Variants in ACOT1 observed in about 807,000 individuals in gnomAD.
The protein encoded by ACOT1 is acyl-CoA thioesterase 1.
Under a neutral mutation model 15.7 loss-of-function variants are expected in ACOT1, and 8 were observed. The observed-to-expected ratio is 0.51, with a 90% CI of 0.30 to 0.92. The LOEUF (loss-of-function observed/expected upper bound fraction) is 0.92, where lower values mean the gene tolerates loss of function less well. ACOT1 is among the 40% of genes least tolerant of loss of function. The pLI is 0.06. For synonymous variants in ACOT1, 67 were observed against 241.2 expected (o/e 0.28, Z 6.69); for missense variants, 151 against 539.4 (o/e 0.28, Z 7.13).
At chr14:73,528,416 T>TAAAAAAAAA in the ACOT1 span, among the ~76,000 whole-genome samples, 1 of 98,170 alleles carries the variant, frequency 1.0e-5, no homozygotes, top group Non-Finnish European at 2.1e-5. Flanking sequence ...AAAAAAAAAC[T>TAAAAAAAAA]TAAGGAATAG....
the ACOT1 span, chr14:73,490,966 C>T: frequency 7.6e-7 from 1 of 1,309,242 alleles, no homozygotes; most frequent in African/African-American, 1.5e-5. Flanking sequence ...TCAGGAACCG[C>T]TTTAGCTTCG....
chr14:73,510,506 G>C, the ACOT1 span, among the ~76,000 whole-genome samples: 3 of 152,060 alleles, frequency 2.0e-5, no homozygotes, highest in African/African-American at 7.2e-5. Context: ...CACAATCTTG[G>C]CTCACTGCAA....
the ACOT1 span, chr14:73,518,993 C>A: frequency 3.8e-6 from 6 of 1,595,778 alleles, no homozygotes; most frequent in Admixed American, 1.0e-4. Flanking sequence ...CGTTATTAAC[C>A]CCTGCCTTCC....
the ACOT1 span, chr14:73,528,813 G>C: frequency 2.0e-5 from 3 of 152,206 alleles, no homozygotes; most frequent in Non-Finnish European, 4.4e-5. Context: ...CAAGTCTCTG[G>C]GTCCTACAGT....
chr14:73,524,336 T>TATATATATATATATATATATA, the ACOT1 span, among the ~76,000 whole-genome samples: 1 of 134,550 alleles, frequency 7.4e-6, no homozygotes, highest in African/African-American at 2.8e-5. Context: ...TATATATATA[T>TATATATATATATATATATATA]TATAGCTGTA....
chr14:73,492,496 T>G, the ACOT1 span: 3 of 1,613,562 alleles, frequency 1.9e-6, no homozygotes, highest in Non-Finnish European at 2.5e-6. The surrounding 1 kb of genome is among the most constrained non-coding windows in gnomAD (Gnocchi z 4.9). Flanking sequence ...ACTTTGCTCC[T>G]GTTGATGCTG....
the ACOT1 span, chr14:73,512,042 C>T: frequency 6.2e-7 from 1 of 1,614,078 alleles, no homozygotes; most frequent in Non-Finnish European, 8.5e-7. Flanking sequence ...CGGGGCCGTT[C>T]CAAAGCAGCT....
chr14:73,497,764 T>C, the ACOT1 span, among the ~76,000 whole-genome samples: 22 of 152,142 alleles, frequency 1.4e-4, no homozygotes, highest in Admixed American at 1.1e-3. Flanking sequence ...GTAGCTGGGA[T>C]TACAGGCATG....
the ACOT1 span, chr14:73,503,147 G>A: frequency 7.2e-6 from 5 of 697,130 alleles, no homozygotes; most frequent in Non-Finnish European, 9.9e-6. Flanking sequence ...TTTTCCCATC[G>A]CTTACTCTCC....
the ACOT1 span, chr14:73,523,127 G>C: frequency 6.2e-7 from 1 of 1,603,794 alleles, no homozygotes; most frequent in East Asian, 2.2e-5. Context: ...GGGGAGAAAG[G>C]TCTTTCCCTT....
chr14:73,521,101 A>C, the ACOT1 span: 1 of 1,418,622 alleles, frequency 7.0e-7, no homozygotes. Context: ...CCCCCTTTCC[A>C]TTAAATCCAC....
the ACOT1 span, chr14:73,508,432 T>G: frequency 5.6e-6 from 4 of 710,096 alleles, no homozygotes; most frequent in East Asian, 1.1e-4. Flanking sequence ...AGAAATACAA[T>G]TTCTTATTTA....
At chr14:73,534,170 G>A (rs150771532), upstream of ACOT1, among the ~76,000 whole-genome samples, 574 of 112,804 alleles carry the variant, frequency 5.1e-3, 121 homozygotes, top group African/African-American at 0.016. Context: ...TACAAGGTCA[G>A]GAGTTTGAGA....
At chr14:73,494,998 A>G in the ACOT1 span, among the ~76,000 whole-genome samples, 1 of 151,904 alleles carries the variant, frequency 6.6e-6, no homozygotes, top group Non-Finnish European at 1.5e-5. Flanking sequence ...AAGTCAGTTC[A>G]AATAGAGATA....
At chr14:73,500,022 C>G in the ACOT1 span, among the ~76,000 whole-genome samples, 6 of 152,086 alleles carry the variant, frequency 3.9e-5, no homozygotes, top group Non-Finnish European at 1.5e-5. Flanking sequence ...GAAGTCAGGA[C>G]ATCGAGACCA....
intron 1 of ACOT1, among the ~76,000 whole-genome samples, chr14:73,540,867 G>A (rs1307476450): frequency 9.2e-6 from 1 of 108,698 alleles, no homozygotes. Context: ...TCAGCCTCCC[G>A]AGTAGCTGGG....
chr14:73,540,717 G>C (rs1375087103), intron 1 of ACOT1, among the ~76,000 whole-genome samples: 1 of 120,132 alleles, frequency 8.3e-6, no homozygotes, highest in Non-Finnish European at 1.8e-5. Flanking sequence ...TGTCTTAAAA[G>C]TGTTGCCTGT....
chr14:73,502,942 C>A, the ACOT1 span: 5 of 1,614,112 alleles, frequency 3.1e-6, no homozygotes, highest in Non-Finnish European at 4.2e-6. Flanking sequence ...GCCCAAGCGC[C>A]TGTGCAGCTG....
chr14:73,524,853 G>C, the ACOT1 span, among the ~76,000 whole-genome samples: 8 of 151,904 alleles, frequency 5.3e-5, no homozygotes, highest in Non-Finnish European at 1.2e-4. Context: ...ACTCCTGCCC[G>C]GTGTCCAAGG....
Sources: gnomAD v4.1 joint callset for allele counts (sites outside exome capture counted in the v4.1 genomes callset) on GRCh38, gnomAD v4.1.1 for gene constraint, Gnocchi (gnomAD v3.1) non-coding constraint, MANE v1.5 for transcripts, NCBI Gene and HGNC (gene_info 2026-07-23, HGNC 2026-07-21) for gene names.